The following PLCD4 variants were observed in gnomAD, a reference collection of about 807,000 sequenced individuals.
PLCD4 encodes 1-phosphatidylinositol 4,5-bisphosphate phosphodiesterase delta-4.
In PLCD4, 63 loss-of-function variants were observed where a neutral mutation model predicts 90.2. The observed-to-expected ratio is 0.70, with a 90% CI of 0.57 to 0.86. The LOEUF (loss-of-function observed/expected upper bound fraction) is 0.86. PLCD4 is among the 40% of genes least tolerant of loss of function. The probability of loss-of-function intolerance (pLI) is 0.00; values close to 1 mark genes in which losing one functional copy is unlikely to be tolerated. For synonymous variants in PLCD4, 294 were observed against 356.5 expected, an observed-to-expected ratio of 0.82 and a Z score of 1.97; for missense variants, 830 against 956.3, an observed-to-expected ratio of 0.87 and a Z score of 1.74.
At chr2:218,617,030 T>C (rs1695647990) in intron 3 of PLCD4, among the ~76,000 whole-genome samples, 1 of 122,708 alleles carries the variant, frequency 8.1e-6, no homozygotes, top group Admixed American at 7.9e-5. Context: ...AGTGGCGTGA[T>C]CTCAGCTCAC....
At chr2:218,625,666 G>A (rs576429162) in intron 6 of PLCD4, among the ~76,000 whole-genome samples, 1 of 152,346 alleles carries the variant, frequency 6.6e-6, no homozygotes, top group South Asian at 2.1e-4. Context: ...GGGCACAATG[G>A]CTCATGCCTG....
At chr2:218,628,969 A>G (rs1472730252) in intron 7 of PLCD4, 1 of 154,518 alleles carries the variant, frequency 6.5e-6, no homozygotes, top group Non-Finnish European at 1.4e-5. Flanking sequence ...TAATTCCAGC[A>G]CTTTGGGAGG....
rs771714146 is a variant in PLCD4 at position 218,618,766 on chromosome 2, G to A, written c.369G>A (p.Val123=). The stretch of plus-strand genomic sequence containing the variant: ...GGATGCGAGGGCTCCAGCTGTTGGT[G>A]GATCTTGTCACCAGCATGGACCATC... The part of the protein sequence containing the change: ...QIWMRGLQLL[V]DLVTSMDHQE... The change falls in exon 4 of 16, where the codon GTG becomes GTA. Residue 123 remains valine, a synonymous_variant. Coordinates refer to ENST00000450993, the MANE Select transcript of PLCD4 (RefSeq NM_032726.4). 5.6e-6 allele frequency: 9 copies of A among 1,604,704 alleles called. No homozygotes were observed. Among genetic ancestry groups the A allele is most frequent in the Non-Finnish European group, 7.7e-6 (9 of 1,175,794 alleles).
rs1187008120 is a variant in PLCD4 at position 218,618,739 on chromosome 2, A to G, written c.342A>G (p.Ile114Met). ...LMANSVEEAQ[I>M]WMRGLQLLVD... ...CCAACAGTGTTGAGGAGGCCCAGAT[A>G]TGGATGCGAGGGCTCCAGCTGTTGG... The change falls in exon 4 of 16, where the codon ATA becomes ATG. Residue 114 changes from isoleucine (I) to methionine (M), a missense_variant. Transcript: ENST00000450993. The G allele has an allele frequency of 1.2e-6, 2 of 1,611,832 alleles. No homozygotes were observed. The highest frequency in any genetic ancestry group is 1.7e-6 in the Non-Finnish European group (2 of 1,178,994).
intron 6 of PLCD4, among the ~76,000 whole-genome samples, chr2:218,624,774 T>TA (rs1696033335): frequency 6.7e-6 from 1 of 149,230 alleles, no homozygotes. Flanking sequence ...TGTAAAGCAA[T>TA]CATTTCAGAA....
At chr2:218,627,857 A>G (rs1418744389) in intron 6 of PLCD4, among the ~76,000 whole-genome samples, 172 bp from the exon 7 acceptor site, 1 of 152,128 alleles carries the variant, frequency 6.6e-6, no homozygotes, top group East Asian at 1.9e-4. Flanking sequence ...GAGGGTGGGA[A>G]TGATTGAAAT....
Position 218,636,828 on chromosome 2 carries a change from A to C in PLCD4, c.*251A>C, listed in dbSNP as rs956759686. The C allele has an allele frequency of 1.8e-6, 1 of 570,202 alleles. No homozygotes were observed. The highest frequency in any genetic ancestry group is 1.5e-5 in the South Asian group (1 of 65,466). 35.3% of individuals were successfully genotyped at this position (570,202 alleles called of 1,614,324 possible). ...CCTGCCCTTTTCCTTTGTGTACTCTATACTGGAGTTCCCTTCTTCCTCTTG... is the reference window on the plus strand; with the variant it reads ...CCTGCCCTTTTCCTTTGTGTACTCTCTACTGGAGTTCCCTTCTTCCTCTTG... On this transcript the variant is annotated 3_prime_UTR_variant, in exon 16 of 16. Coordinates refer to ENST00000450993, the MANE Select transcript of PLCD4 (RefSeq NM_032726.4).
chr2:218,623,967 G>A lies in PLCD4; in HGVS notation c.772+1089G>A, dbSNP rs1388025513. Among the ~76,000 whole-genome samples the A allele has an allele frequency of 3.3e-5, 5 of 152,350 alleles. No individual in the cohort carries two copies. In the East Asian group the frequency reaches 9.6e-4, roughly 29 times the overall value. ...CAAAGTGCTGGGATTACAGGCATGA[G>A]CCACTGTGCCTGGCATCTACGTACC... On this transcript the variant is annotated intron_variant, in intron 6 of 15. Transcript: ENST00000450993.
At chr2:218,612,804 T>C (rs1695401800) in intron 1 of PLCD4, among the ~76,000 whole-genome samples, 2 of 151,996 alleles carry the variant, frequency 1.3e-5, no homozygotes, top group South Asian at 4.1e-4. Context: ...TCTCAAGGTC[T>C]TGTATTCAGG....
chr2:218,608,879 C>G (rs1257075697), intron 1 of PLCD4, among the ~76,000 whole-genome samples: 1 of 152,020 alleles, frequency 6.6e-6, no homozygotes, highest in African/African-American at 2.4e-5. Flanking sequence ...TGGCTCACAC[C>G]TGTAATCCCA....
At chr2:218,629,307 G>C in intron 7 of PLCD4, 1 of 529,286 alleles carries the variant, frequency 1.9e-6, no homozygotes, top group Middle Eastern at 4.9e-4. Context: ...TGGAAGGACT[G>C]TGAGTCGGGT....
chr2:218,614,433 G>C (rs1253333667), intron 1 of PLCD4, among the ~76,000 whole-genome samples: 1 of 151,576 alleles, frequency 6.6e-6, no homozygotes, highest in African/African-American at 2.4e-5. Flanking sequence ...TTACAGGTGT[G>C]AGCCACCGTG....
In PLCD4 at chr2:218,616,956, AG is replaced by A. The variant is rs1454223890; in HGVS notation, c.181+895del. ...GAGAGAGAGAGAGAGAGAGAGAGAG[AG>A]AGAGAGAGAGAGAGAGAGAGAGAGA... On this transcript the variant is annotated intron_variant, in intron 3 of 15. Coordinates refer to ENST00000450993, the MANE Select transcript of PLCD4 (RefSeq NM_032726.4). Among the ~76,000 whole-genome samples the A allele has an allele frequency of 3.4e-4, 29 of 85,528 alleles. 1 individual carries two copies. The highest frequency in any genetic ancestry group is 1.3e-3 in the African/African-American group (27 of 21,162). 56.1% of individuals were successfully genotyped at this position (85,528 alleles called of 152,430 possible). A position where few individuals can be genotyped will look rare whatever the true frequency, so the allele number is the denominator to read the frequency against.
chr2:218,616,606 AT>A (rs1695586796), intron 3 of PLCD4, among the ~76,000 whole-genome samples: 1 of 151,694 alleles, frequency 6.6e-6, no homozygotes, highest in African/African-American at 2.4e-5. Context: ...GGTCTCAGCT[AT>A]TTGGGAGGCT....
At chr2:218,618,488 A>G in intron 3 of PLCD4, 91 bp from the exon 4 acceptor site, 1 of 1,136,716 alleles carries the variant, frequency 8.8e-7, no homozygotes, top group Non-Finnish European at 1.3e-6. Flanking sequence ...CTATGGTGTC[A>G]TGGAGAAGGG....
rs951931572 is a variant in PLCD4 at position 218,636,660 on chromosome 2, A to G, written c.*83A>G. 1 of 1,406,910 alleles carries G rather than the reference A, an allele frequency of 7.1e-7. No homozygotes were observed. 87.2% of individuals were successfully genotyped at this position (1,406,910 alleles called of 1,614,324 possible). A position where few individuals can be genotyped will look rare whatever the true frequency, so the allele number is the denominator to read the frequency against. ...GAAGGATGCTCGAGAGAACAAATGG[A>G]GGTGGTGAAAATCAAGCTTTGGATT... On this transcript the variant is annotated 3_prime_UTR_variant, in exon 16 of 16. Transcript: ENST00000450993.
intron 10 of PLCD4, chr2:218,633,187 T>G: frequency 1.7e-6 from 1 of 581,596 alleles, no homozygotes. Flanking sequence ...TCTGTCTGGA[T>G]TCATGTACAT....
At position 218,629,313 on chromosome 2, in the gene PLCD4, C is replaced by T. The variant is rs190465885; in HGVS notation, c.975-206C>T. The T allele has an allele frequency of 5.6e-6, 3 of 535,086 alleles. No individual in the cohort carries two copies. In the African/African-American group the frequency reaches 5.6e-5, roughly 10 times the overall value. The allele number at this position is 535,086 out of a possible 1,614,324, so 33.1% of individuals were successfully genotyped here. ...GGATTGCTATGGAAGGACTGTGAGTCGGGTGGGCTGAAGTATGGGTAGAGA... is the reference window on the plus strand; with the variant it reads ...GGATTGCTATGGAAGGACTGTGAGTTGGGTGGGCTGAAGTATGGGTAGAGA... On this transcript the variant is annotated intron_variant, in intron 7 of 15. Transcript: ENST00000450993.
chr2:218,611,116 G>A (rs188700394), intron 1 of PLCD4, among the ~76,000 whole-genome samples: 11 of 152,078 alleles, frequency 7.2e-5, no homozygotes, highest in Admixed American at 4.6e-4. Flanking sequence ...TCTAGTCCTC[G>A]GGCTCCTTTT....
Sources: allele counts gnomAD v4.1 joint callset (sites outside exome capture counted in the v4.1 genomes callset), GRCh38; gene constraint gnomAD v4.1.1; transcripts MANE v1.5; gene names NCBI Gene and HGNC (gene_info 2026-07-23, HGNC 2026-07-21).